The following CD4 variants were observed in gnomAD, a reference collection of about 807,000 sequenced individuals.
The protein encoded by CD4 is CD4 molecule.
A neutral mutation model predicts 50.5 loss-of-function variants in CD4; 25 were observed. The ratio of observed to expected loss-of-function variants is 0.49; its 90% CI spans 0.36 to 0.69. CD4 has a LOEUF of 0.69. CD4 is among the 30% of genes least tolerant of loss of function. The pLI is 0.00. For synonymous variants in CD4, 207 were observed against 221.9 expected (o/e 0.93, Z 0.60); for missense variants, 456 against 548.5 (o/e 0.83, Z 1.68).
chr12:6,814,681 A>T, intron 4 of CD4, 78 bp from the exon 5 acceptor site: 1 of 1,035,856 alleles, frequency 9.7e-7, no homozygotes, highest in Non-Finnish European at 1.5e-6. Flanking sequence ...TAATGGAGAG[A>T]TGTTGTTGGT....
intron 3 of CD4, among the ~76,000 whole-genome samples, chr12:6,808,177 A>G (rs905983999): frequency 1.3e-5 from 2 of 151,558 alleles, no homozygotes; most frequent in East Asian, 1.9e-4. Flanking sequence ...AAGATTGGCC[A>G]GGCGCAGTGG....
At chr12:6,805,199 A>G (rs1241323022) in intron 3 of CD4, among the ~76,000 whole-genome samples, 3 of 84,372 alleles carry the variant, frequency 3.6e-5, no homozygotes, top group African/African-American at 1.3e-4. Context: ...AAAAAAAAAA[A>G]AAAAAAAGAA....
chr12:6,804,298 C>T (rs1319001312), intron 3 of CD4, among the ~76,000 whole-genome samples: 1 of 152,074 alleles, frequency 6.6e-6, no homozygotes, highest in Non-Finnish European at 1.5e-5. Context: ...GCTCTTACTA[C>T]TCTTATTCAA....
At chr12:6,817,945 ACT>A (rs546277080) in intron 7 of CD4, among the ~76,000 whole-genome samples, 269 of 151,288 alleles carry the variant, frequency 1.8e-3, no homozygotes, top group African/African-American at 5.7e-3. Flanking sequence ...ACACTTATAC[ACT>A]CACATCCGCA....
chr12:6,803,783 A>T lies in CD4; in HGVS notation c.214+3312A>T, dbSNP rs113749605. On this transcript the variant is annotated intron_variant, in intron 3 of 9. Transcript: ENST00000011653. The stretch of plus-strand genomic sequence containing the variant: ...CTGAGTGACAGAGTGAGACTCCATC[A>T]CAAAAAATAAATAAATAAATAAATA... Among the ~76,000 whole-genome samples, 864 of 148,920 alleles carry T rather than the reference A, an allele frequency of 5.8e-3. 11 individuals carry two copies. The highest frequency in any genetic ancestry group is 0.026 in the Middle Eastern group (7 of 274).
chr12:6,789,565 A>G lies in CD4; in HGVS notation c.-165A>G, dbSNP rs1942086586. The stretch of plus-strand genomic sequence containing the variant: ...AAGCACGACTCTGCAGAAGGAACAA[A>G]GCACCCTCCCCACTGGGCTCCTGGT... On this transcript the variant is annotated 5_prime_UTR_variant, in exon 1 of 10. Coordinates refer to ENST00000011653, the MANE Select transcript of CD4 (RefSeq NM_000616.5). 1 of 152,270 alleles carries G rather than the reference A, an allele frequency of 6.6e-6. No individual in the cohort carries two copies. The highest frequency in any genetic ancestry group is 2.1e-4 in the South Asian group (1 of 4,834). The allele number at this position is 152,270 out of a possible 1,614,324, so 9.4% of individuals were successfully genotyped here.
intron 9 of CD4, 95 bp downstream of exon 9, chr12:6,819,009 AG>A (rs1298123890): frequency 2.9e-6 from 2 of 691,224 alleles, no homozygotes; most frequent in Non-Finnish European, 4.8e-6. Flanking sequence ...GGGGGCAGGA[AG>A]GGAGGATGGA....
intron 3 of CD4, among the ~76,000 whole-genome samples, chr12:6,811,653 C>T (rs1942942648): frequency 1.3e-5 from 2 of 149,612 alleles, no homozygotes; most frequent in African/African-American, 5.0e-5. Flanking sequence ...TCACTATGCT[C>T]TGGCTAATTT....
chr12:6,811,908 C>G (rs1369542240), intron 3 of CD4, among the ~76,000 whole-genome samples: 2 of 152,108 alleles, frequency 1.3e-5, no homozygotes, highest in Non-Finnish European at 2.9e-5. Flanking sequence ...CTCCTGGGCT[C>G]AAGTGATCCT....
intron 3 of CD4, among the ~76,000 whole-genome samples, chr12:6,809,742 C>T (rs1942880654): frequency 6.6e-6 from 1 of 152,170 alleles, no homozygotes; most frequent in African/African-American, 2.4e-5. Context: ...AGGACGTTCA[C>T]CCTCTCAGCG....
In CD4 at chr12:6,814,798, G is replaced by T; in HGVS notation, c.413G>T (p.Ser138Ile). The T allele has an allele frequency of 6.2e-7, 1 of 1,613,732 alleles. No individual in the cohort carries two copies. Among genetic ancestry groups the T allele is most frequent in the Non-Finnish European group, 8.5e-7 (1 of 1,179,786 alleles). Residue 138 changes from serine (S) to isoleucine (I), a missense_variant, in exon 5 of 10, where the codon AGC (serine) becomes ATC (isoleucine). Physicochemically the swap from Ser to Ile is moderately radical, Grantham distance 142. Transcript: ENST00000011653. Reference sequence around the variant, plus strand: ...GACACCCACCTGCTTCAGGGGCAGAGCCTGACCCTGACCTTGGAGAGCCCC... The same window carrying T: ...GACACCCACCTGCTTCAGGGGCAGATCCTGACCCTGACCTTGGAGAGCCCC... ...NSDTHLLQGQ[S>I]LTLTLESPPG...
At position 6,809,423 on chromosome 12, in the gene CD4, G is replaced by A. The variant is rs753742118; in HGVS notation, c.215-4719G>A. 4.3e-4 allele frequency among the ~76,000 whole-genome samples: 65 copies of A among 152,028 alleles called. 1 individual carries two copies. In the Middle Eastern group the frequency reaches 0.034, roughly 80 times the overall value. ...AGGTGGCAGGATCTCTTGAGCCCAC[G>A]AGGTAGATGTTGCAGTGAGCCGTGA... On this transcript the variant is annotated intron_variant, in intron 3 of 9. Coordinates refer to ENST00000011653, the MANE Select transcript of CD4 (RefSeq NM_000616.5).
At chr12:6,794,786 G>GTTTTTTTTTTTTTTTTTT (rs1220016459) in intron 1 of CD4, among the ~76,000 whole-genome samples, 2 of 105,368 alleles carry the variant, frequency 1.9e-5, no homozygotes, top group Admixed American at 1.2e-4. Flanking sequence ...TTTTTTTTTT[G>GTTTTTTTTTTTTTTTTTT]TTTTTTTTTT....
At position 6,811,472 on chromosome 12, in the gene CD4, TC is replaced by T. The variant is rs1555116955; in HGVS notation, c.215-2669del. ...TTATTTTTTAAAACATTTTTTCTTT[TC>T]TTTTTTCTTTTCTTTTTCTTTTTTT... On this transcript the variant is annotated intron_variant, in intron 3 of 9. Transcript: ENST00000011653. Among the ~76,000 whole-genome samples the T allele has an allele frequency of 5.2e-3, 772 of 148,444 alleles. 7 individuals are homozygous for T. Among genetic ancestry groups the T allele is most frequent in the Middle Eastern group, 0.024 (7 of 290 alleles).
At chr12:6,801,291 C>A (rs1942537633) in intron 3 of CD4, among the ~76,000 whole-genome samples, 2 of 150,406 alleles carry the variant, frequency 1.3e-5, no homozygotes, top group Admixed American at 1.3e-4. Context: ...TTGAGGTGGG[C>A]AGATCACCGG....
In CD4 at chr12:6,818,047, C is replaced by T. The variant is rs1466606907; in HGVS notation, c.1157-374C>T. ...ATACACGCACACAGGCACACATTCA[C>T]ACACATGCACACACGCACACACATT... On this transcript the variant is annotated intron_variant, in intron 7 of 9. Coordinates refer to ENST00000011653, the MANE Select transcript of CD4 (RefSeq NM_000616.5). The surrounding 1 kb of genome is among the most constrained non-coding windows in gnomAD (Gnocchi z 5.0). Among the ~76,000 whole-genome samples the T allele has an allele frequency of 6.6e-6, 1 of 151,016 alleles. No homozygotes were observed. Among genetic ancestry groups the T allele is most frequent in the East Asian group, 2.0e-4 (1 of 5,078 alleles).
In CD4 at chr12:6,794,773, CTGTTTTTTTTT is replaced by C. The variant is rs1454617981; in HGVS notation, c.-68+5124_-68+5134del. ...TTATCTAATCTATCTGTCTGTATGT[CTGTTTTTTTTT>C]TGTTTTTTTTTTTTTTTTGAGATAG... is the stretch of plus-strand genomic sequence containing the variant. On this transcript the variant is annotated intron_variant, in intron 1 of 9. Transcript: ENST00000011653. Among the ~76,000 whole-genome samples the C allele has an allele frequency of 3.1e-4, 32 of 103,090 alleles. 2 individuals are homozygous for C. In the South Asian group the frequency reaches 3.6e-3, roughly 12 times the overall value. The allele number at this position is 103,090 out of a possible 152,430, so 67.6% of individuals were successfully genotyped here. A position where few individuals can be genotyped will look rare whatever the true frequency, so the allele number is the denominator to read the frequency against.
intron 3 of CD4, among the ~76,000 whole-genome samples, chr12:6,805,659 G>T (rs1942729104): frequency 6.6e-6 from 1 of 151,752 alleles, no homozygotes; most frequent in African/African-American, 2.4e-5. Flanking sequence ...TATATGGAGA[G>T]ACATGCTGTA....
intron 1 of CD4, among the ~76,000 whole-genome samples, chr12:6,791,898 G>T (rs2137826656): frequency 6.6e-6 from 1 of 152,308 alleles, no homozygotes; most frequent in East Asian, 1.9e-4. Flanking sequence ...TTTGATGAAG[G>T]TGGGGAATCA....
Sources: gnomAD v4.1 joint callset for allele counts (sites outside exome capture counted in the v4.1 genomes callset) on GRCh38, gnomAD v4.1.1 for gene constraint, Gnocchi (gnomAD v3.1) non-coding constraint, MANE v1.5 for transcripts, NCBI Gene and HGNC (gene_info 2026-07-23, HGNC 2026-07-21) for gene names.